Variants in EIF3B observed in about 807,000 individuals in gnomAD.
EIF3B encodes the protein eukaryotic translation initiation factor 3 subunit B, also known as eukaryotic translation initiation factor 3 subunit 9.
A neutral mutation model predicts 104.6 loss-of-function variants in EIF3B; 10 were observed. That is an observed-to-expected ratio of 0.10 (90% CI 0.06 to 0.16). The LOEUF (loss-of-function observed/expected upper bound fraction) is 0.16. Ranked by LOEUF, EIF3B falls within the 10% of genes least tolerant of loss-of-function variation. The pLI is 1.00. For synonymous variants in EIF3B, 542 were observed against 417.2 expected, an observed-to-expected ratio of 1.30 and a Z score of -3.65; for missense variants, 1,014 against 1,087.9, an observed-to-expected ratio of 0.93 and a Z score of 0.96.
At chr7:2,364,304 T>G in intron 5 of EIF3B, 68 bp from the exon 6 acceptor site, 1 of 1,378,974 alleles carries the variant, frequency 7.3e-7, no homozygotes, top group Non-Finnish European at 9.8e-7. Flanking sequence ...TAGGATAAAT[T>G]CATTGTAGGA....
Position 2,363,620 on chromosome 7 carries a change from T to G in EIF3B, c.871-12T>G. The G allele has an allele frequency of 6.3e-7, 1 of 1,586,118 alleles. No homozygotes were observed. Among genetic ancestry groups the G allele is most frequent in the African/African-American group, 1.5e-5 (1 of 67,276 alleles). ...TTAATGAAATGTTATATTCCTTGTC[T>G]TTGTTTTTAAGGGGAACTTACGTTA... On this transcript the variant is annotated splice_polypyrimidine_tract_variant and intron_variant, in intron 4 of 18. Transcript: ENST00000360876.
At chr7:2,379,371 A>G (rs934565944) in intron 17 of EIF3B, 23 bp from the exon 18 acceptor site, 4 of 1,569,836 alleles carry the variant, frequency 2.5e-6, no homozygotes, top group Non-Finnish European at 3.5e-6. Context: ...CCCATGGGTG[A>G]TCTGCGCCCT....
chr7:2,354,904 G>A lies in EIF3B; in HGVS notation c.-18G>A. On this transcript the variant is annotated 5_prime_UTR_variant, in exon 1 of 19. Coordinates refer to ENST00000360876, the MANE Select transcript of EIF3B (RefSeq NM_001037283.2). ...GCGCGGCGGCCGCGGAGCCCTGCGA[G>A]TAGGCAGCGTTGGGCCCATGCAGGA... is the stretch of plus-strand genomic sequence containing the variant. The A allele has an allele frequency of 1.7e-6, 2 of 1,183,196 alleles. No homozygotes were observed. Among genetic ancestry groups the A allele is most frequent in the East Asian group, 4.3e-5 (1 of 23,496 alleles). 73.3% of individuals were successfully genotyped at this position (1,183,196 alleles called of 1,614,324 possible).
chr7:2,366,374 C>T lies in EIF3B; in HGVS notation c.1215C>T (p.Ile405=), dbSNP rs750176840. Residue 405 remains isoleucine, a synonymous_variant, in exon 7 of 19, where the codon ATC becomes ATT. Transcript: ENST00000360876. ...MDTQDDPQAI[I]IWDILTGHKK... The stretch of plus-strand genomic sequence containing the variant: ...CGCAGGATGACCCTCAGGCCATAAT[C>T]ATCTGGGACATCCTTACGGGGCACA... 6 of 1,613,950 alleles carry T rather than the reference C, an allele frequency of 3.7e-6. No individual in the cohort carries two copies. The South Asian group carries it at 6.6e-5, about 18-fold the overall frequency.
chr7:2,366,945 T>A lies in EIF3B; in HGVS notation c.1357-54T>A, dbSNP rs111610343. On this transcript the variant is annotated intron_variant, in intron 8 of 18. Transcript: ENST00000360876. ...CCTTTTGTAAAAAGTTAGGTGTGTT[T>A]CTGAGACACTGACATGATTTGACTC... The A allele has an allele frequency of 2.7e-3, 4,280 of 1,568,044 alleles. 47 individuals carry two copies. In the African/African-American group the frequency reaches 0.031, roughly 12 times the overall value.
chr7:2,355,325 C>G lies in EIF3B; in HGVS notation c.404C>G (p.Ala135Gly). 6.5e-7 allele frequency: 1 copy of G among 1,540,176 alleles called. No individual in the cohort carries two copies. The highest frequency in any genetic ancestry group is 1.4e-5 in the African/African-American group (1 of 73,084). ...SEDAGGNEGR[A>G]AEAEPRALEN... ...GACGCGGGAGGAAACGAGGGCAGAG[C>G]GGCCGAGGCCGAACCCCGGGCGCTG... Residue 135 changes from alanine (A) to glycine (G), a missense_variant, in exon 1 of 19, where the codon GCG (alanine) becomes GGG (glycine). Ala to Gly is a moderately conservative substitution (Grantham distance 60, BLOSUM62 0). Around this residue, in one of 4 missense-constraint regions of EIF3B, gnomAD observed 488 missense variants for 404.3 expected, o/e 1.21. Coordinates refer to ENST00000360876, the MANE Select transcript of EIF3B (RefSeq NM_001037283.2).
At chr7:2,377,437 C>T (rs562265978) in intron 15 of EIF3B, among the ~76,000 whole-genome samples, 28 of 152,294 alleles carry the variant, frequency 1.8e-4, no homozygotes, top group South Asian at 2.1e-4. Context: ...GGTTAAATCC[C>T]AGGGAGAAAG....
Position 2,369,517 on chromosome 7 carries a change from G to A in EIF3B, c.1449G>A (p.Val483=). 6.2e-7 allele frequency: 1 copy of A among 1,614,206 alleles called. No homozygotes were observed. The highest frequency in any genetic ancestry group is 8.5e-7 in the Non-Finnish European group (1 of 1,180,046). ...SPGGNIIAFW[V]PEDKDIPARV... is the part of the protein sequence containing the mutation. ...GTGGTAACATAATCGCCTTCTGGGT[G>A]CCTGAAGACAAAGATATTCCAGCCA... Residue 483 remains valine, a synonymous_variant, in exon 10 of 19, where the codon GTG becomes GTA. Coordinates refer to ENST00000360876, the MANE Select transcript of EIF3B (RefSeq NM_001037283.2).
At chr7:2,366,491 C>T in intron 7 of EIF3B, 34 bp from the exon 8 acceptor site, 1 of 1,614,124 alleles carries the variant, frequency 6.2e-7, no homozygotes, top group Middle Eastern at 1.6e-4. Flanking sequence ...TTTGTCTTTT[C>T]ATGGGAATAC....
At chr7:2,377,942 GGATGCCGTGTTCTGT>G in intron 15 of EIF3B, 1 of 41,794 alleles carries the variant, frequency 2.4e-5, no homozygotes, top group Non-Finnish European at 3.7e-5. Flanking sequence ...AGCACTGCTG[GGATGCCGTGTTCTGT>G]GAATGACCCT....
At chr7:2,363,596 T>C (rs768420877) in intron 4 of EIF3B, 36 bp from the exon 5 acceptor site, 2 of 1,567,128 alleles carry the variant, frequency 1.3e-6, no homozygotes, top group Non-Finnish European at 1.7e-6. Flanking sequence ...TTATTAAAAT[T>C]AATGAAATGT....
chr7:2,367,698 G>A (rs919662951), intron 9 of EIF3B, among the ~76,000 whole-genome samples: 2 of 151,938 alleles, frequency 1.3e-5, no homozygotes, highest in South Asian at 2.1e-4. Flanking sequence ...TCAAACTCCT[G>A]ACCTTGTGAT....
rs571506682 is a variant in EIF3B at position 2,362,518 on chromosome 7, G to A, written c.693-127G>A. 112 of 1,208,664 alleles carry A rather than the reference G, an allele frequency of 9.3e-5. 2 individuals carry two copies. In the South Asian group the frequency reaches 1.4e-3, roughly 15 times the overall value. 74.9% of individuals were successfully genotyped at this position (1,208,664 alleles called of 1,614,324 possible). On this transcript the variant is annotated intron_variant, in intron 2 of 18. Coordinates refer to ENST00000360876, the MANE Select transcript of EIF3B (RefSeq NM_001037283.2). ...TCCCCCGTGTGACTGCCTTAGGCTCGAGGCAGGAAGAGCAGCACAGATACT... is the reference window on the plus strand; with the variant it reads ...TCCCCCGTGTGACTGCCTTAGGCTCAAGGCAGGAAGAGCAGCACAGATACT...
chr7:2,354,246 G>C (rs1779257584), upstream of EIF3B: 1 of 152,282 alleles, frequency 6.6e-6, no homozygotes, highest in Non-Finnish European at 1.5e-5. Context: ...CCAGGCAGTC[G>C]TCCTTCTAGT....
chr7:2,367,375 C>T (rs1235333457), intron 9 of EIF3B, among the ~76,000 whole-genome samples: 1 of 150,870 alleles, frequency 6.6e-6, no homozygotes, highest in Non-Finnish European at 1.5e-5. Context: ...ATGCCGTCAC[C>T]CCAGGGGGTT....
chr7:2,361,714 C>T (rs1184098069), intron 2 of EIF3B, among the ~76,000 whole-genome samples: 25 of 152,104 alleles, frequency 1.6e-4, no homozygotes, highest in Admixed American at 1.1e-3. Flanking sequence ...CCACCGCGCC[C>T]GGCCTCTCTG....
At chr7:2,367,119 A>G in intron 9 of EIF3B, 74 bp downstream of exon 9, 2 of 1,052,244 alleles carry the variant, frequency 1.9e-6, no homozygotes, top group East Asian at 2.6e-5. Flanking sequence ...AAAAAAAAAA[A>G]CACAATACCA....
chr7:2,362,603 C>T (rs774972775), intron 2 of EIF3B, 42 bp from the exon 3 acceptor site: 12 of 1,612,446 alleles, frequency 7.4e-6, no homozygotes, highest in Non-Finnish European at 1.0e-5. Flanking sequence ...ACCTGCCTAG[C>T]CTTACAGTGT....
chr7:2,360,332 G>T (rs1287367559), intron 1 of EIF3B, among the ~76,000 whole-genome samples: 1 of 152,248 alleles, frequency 6.6e-6, no homozygotes, highest in Non-Finnish European at 1.5e-5. Flanking sequence ...CTGCCTAGAT[G>T]TTGCAACAAA....
Sources: gnomAD v4.1 joint callset for allele counts (sites outside exome capture counted in the v4.1 genomes callset) on GRCh38, gnomAD v4.1.1 for gene constraint, gnomAD v4.1.1 regional missense constraint, MANE v1.5 for transcripts, NCBI Gene and HGNC (gene_info 2026-07-23, HGNC 2026-07-21) for gene names.